ASIC2: variants seen among roughly 807,000 people sequenced by gnomAD.
ASIC2 encodes the protein acid sensing ion channel subunit 2.
Under a neutral mutation model 57.3 loss-of-function variants are expected in ASIC2, and 25 were observed. The observed-to-expected ratio is 0.44, with a 90% CI of 0.32 to 0.61. The LOEUF is 0.61. Ranked by LOEUF, ASIC2 falls within the 20% of genes least tolerant of loss-of-function variation. The pLI, the probability that ASIC2 is intolerant of heterozygous loss-of-function variation, is 0.06. For missense variants in ASIC2, 641 were observed against 738.1 expected (o/e 0.87, Z 1.52); for synonymous variants, 319 against 307.5 (o/e 1.04, Z -0.39).
intron 1 of ASIC2, among the ~76,000 whole-genome samples, chr17:33,736,487 A>G (rs1246518521): frequency 6.6e-6 from 1 of 152,152 alleles, no homozygotes; most frequent in Admixed American, 6.5e-5. Context: ...GTCTCCCGCC[A>G]GCCTATGGAG....
At chr17:33,149,227 A>G (rs907686290) in intron 1 of ASIC2, among the ~76,000 whole-genome samples, 1 of 152,224 alleles carries the variant, frequency 6.6e-6, no homozygotes, top group Admixed American at 6.5e-5. Flanking sequence ...ACAAAAAATT[A>G]TTGTAATCCC....
chr17:34,080,836 A>G (rs1909851607), intron 1 of ASIC2: 1 of 152,250 alleles, frequency 6.6e-6, no homozygotes, highest in South Asian at 2.1e-4. Context: ...GCCAGGGCTT[A>G]TTCAGACACA....
At chr17:33,797,186 G>C (rs759826498) in intron 1 of ASIC2, among the ~76,000 whole-genome samples, 1 of 152,180 alleles carries the variant, frequency 6.6e-6, no homozygotes, top group Non-Finnish European at 1.5e-5. Context: ...ATCAGGGAAA[G>C]TTTTAGAGTG....
chr17:33,904,625 C>T (rs1180002206), intron 1 of ASIC2, among the ~76,000 whole-genome samples: 1 of 152,186 alleles, frequency 6.6e-6, no homozygotes, highest in Non-Finnish European at 1.5e-5. Flanking sequence ...ATGATAAGAA[C>T]CACCACTTTG....
chr17:33,594,827 CAA>C (rs61263575), intron 1 of ASIC2, among the ~76,000 whole-genome samples: 449 of 114,094 alleles, frequency 3.9e-3, no homozygotes, highest in African/African-American at 0.011. Context: ...GACTCCATTT[CAA>C]AAAAAAAAAA....
intron 1 of ASIC2, among the ~76,000 whole-genome samples, chr17:33,661,556 A>G (rs1176438007): frequency 2.6e-5 from 4 of 152,196 alleles, no homozygotes; most frequent in African/African-American, 9.6e-5. Flanking sequence ...TCCCTATCTT[A>G]TTCCTAGCCA....
chr17:33,730,331 A>G (rs112001759), intron 1 of ASIC2, among the ~76,000 whole-genome samples: 8 of 152,338 alleles, frequency 5.3e-5, no homozygotes, highest in African/African-American at 1.9e-4. Context: ...CAGATCTCAC[A>G]TTCCTGGGAT....
At chr17:33,767,313 C>T (rs569980544) in intron 1 of ASIC2, among the ~76,000 whole-genome samples, 1 of 152,300 alleles carries the variant, frequency 6.6e-6, no homozygotes, top group Admixed American at 6.5e-5. Context: ...TTAAATCAGA[C>T]CACTGGAAAT....
rs542201798 is a variant in ASIC2, at chr17:34,009,585, T to G, written c.555+146393A>C. ...TTTTAACTTTTTAAAATGTGACTATTAGAAAAATTTGAATCACATATGAGG... is the reference window on the plus strand; with the variant it reads ...TTTTAACTTTTTAAAATGTGACTATGAGAAAAATTTGAATCACATATGAGG... On this transcript the variant is annotated intron_variant, in intron 1 of 9. Transcript: ENST00000359872. 5.3e-5 allele frequency among the ~76,000 whole-genome samples: 8 copies of G among 152,346 alleles called. No homozygotes were observed. The South Asian group carries it at 1.7e-3, about 32-fold the overall frequency.
At chr17:33,255,067 G>T (rs71377478) in intron 1 of ASIC2, among the ~76,000 whole-genome samples, 17 of 112,822 alleles carry the variant, frequency 1.5e-4, no homozygotes, top group Non-Finnish European at 2.3e-4. Flanking sequence ...ACAGAGCCTC[G>T]CTCTGTTTGT....
chr17:33,560,399 G>T (rs1916037315), intron 1 of ASIC2, among the ~76,000 whole-genome samples: 2 of 152,164 alleles, frequency 1.3e-5, no homozygotes, highest in Non-Finnish European at 2.9e-5. Flanking sequence ...ACCAAGGGAG[G>T]CCCCAAAGGA....
chr17:33,633,542 C>T (rs564202427), intron 1 of ASIC2, among the ~76,000 whole-genome samples: 17 of 152,324 alleles, frequency 1.1e-4, no homozygotes, highest in African/African-American at 4.1e-4. Flanking sequence ...CAGGGCCTCT[C>T]AGTTCATGTG....
intron 1 of ASIC2, among the ~76,000 whole-genome samples, chr17:33,355,867 A>G (rs928729169): frequency 1.3e-5 from 2 of 152,194 alleles, no homozygotes; most frequent in Non-Finnish European, 2.9e-5. Flanking sequence ...CTCAGAGCTT[A>G]AAGTGTAAGG....
intron 1 of ASIC2, among the ~76,000 whole-genome samples, chr17:33,990,440 A>G (rs2142009408): frequency 6.6e-6 from 1 of 152,344 alleles, no homozygotes; most frequent in East Asian, 1.9e-4. Flanking sequence ...TACATTTGGA[A>G]AGCAAAGGAC....
intron 1 of ASIC2, among the ~76,000 whole-genome samples, chr17:33,480,691 T>A (rs971277143): frequency 5.9e-5 from 9 of 151,832 alleles, no homozygotes; most frequent in Non-Finnish European, 1.3e-4. Context: ...GTATGGAGAG[T>A]TTAGGCATCT....
chr17:33,440,127 T>C (rs2141983543), intron 1 of ASIC2, among the ~76,000 whole-genome samples: 1 of 152,334 alleles, frequency 6.6e-6, no homozygotes, highest in Middle Eastern at 3.4e-3. Context: ...CAAAATGCTC[T>C]CTTGTGCCCA....
At chr17:34,067,458 G>T (rs919861504) in intron 1 of ASIC2, among the ~76,000 whole-genome samples, 2 of 152,112 alleles carry the variant, frequency 1.3e-5, no homozygotes, top group African/African-American at 4.8e-5. Flanking sequence ...AATACTGAAG[G>T]CTAACAGGAG....
intron 1 of ASIC2, among the ~76,000 whole-genome samples, chr17:33,538,403 T>C (rs1009479228): frequency 6.6e-6 from 1 of 152,106 alleles, no homozygotes; most frequent in African/African-American, 2.4e-5. Context: ...GCATCCACAA[T>C]GGGATCCCCA....
chr17:33,307,498 C>T (rs1049914208), intron 1 of ASIC2, among the ~76,000 whole-genome samples: 1 of 152,056 alleles, frequency 6.6e-6, no homozygotes, highest in Admixed American at 6.6e-5. Flanking sequence ...TTAGTAGAGA[C>T]AGGATTTCAC....
Sources: allele counts gnomAD v4.1 joint callset (sites outside exome capture counted in the v4.1 genomes callset), GRCh38; gene constraint gnomAD v4.1.1; transcripts MANE v1.5; gene names NCBI Gene and HGNC (gene_info 2026-07-23, HGNC 2026-07-21).